Variants in STAM2 observed in about 807,000 individuals in gnomAD.
The protein encoded by STAM2 is signal transducing adaptor molecule 2.
Under a neutral mutation model 65.6 loss-of-function variants are expected in STAM2, and 51 were observed. That is an observed-to-expected ratio of 0.78 (90% CI 0.62 to 0.98). The LOEUF is 0.98. STAM2 is among the 50% of genes least tolerant of loss of function. The pLI is 0.00. For synonymous variants in STAM2, 198 were observed against 208.4 expected, an observed-to-expected ratio of 0.95 and a Z score of 0.43; for missense variants, 584 against 617.8, an observed-to-expected ratio of 0.95 and a Z score of 0.58.
intron 1 of STAM2, among the ~76,000 whole-genome samples, chr2:152,150,890 G>A (rs1054728109): frequency 9.9e-5 from 15 of 152,068 alleles, no homozygotes; most frequent in African/African-American, 3.6e-4. Context: ...TTTTTTAATA[G>A]ATAAGGGGTC....
chr2:152,160,115 A>G (rs1303848245), intron 1 of STAM2, among the ~76,000 whole-genome samples: 1 of 152,148 alleles, frequency 6.6e-6, no homozygotes, highest in Non-Finnish European at 1.5e-5. Context: ...TTGGCCTCCC[A>G]AAGTGCCAAG....
At chr2:152,124,042 G>A in intron 12 of STAM2, 107 bp from the exon 13 acceptor site, 1 of 908,848 alleles carries the variant, frequency 1.1e-6, no homozygotes, top group Non-Finnish European at 1.6e-6. Flanking sequence ...ACTTCTTTGG[G>A]AAGCAATCTG....
At chr2:152,131,786 G>T (rs976315329) in intron 11 of STAM2, 2 of 261,606 alleles carry the variant, frequency 7.6e-6, no homozygotes, top group Non-Finnish European at 1.4e-5. Context: ...GATGGGCACG[G>T]CATGCAGAAA....
chr2:152,147,071 A>G, intron 5 of STAM2, 91 bp downstream of exon 5: 1 of 1,222,960 alleles, frequency 8.2e-7, no homozygotes, highest in Non-Finnish European at 1.1e-6. Flanking sequence ...GTGGAAAATG[A>G]TAATCTAGAC....
rs192652621 is a variant in STAM2, at chr2:152,169,910, G to A, written c.40+5693C>T. 2.5e-3 allele frequency among the ~76,000 whole-genome samples: 378 copies of A among 151,082 alleles called. 1 individual carries two copies. Among genetic ancestry groups the A allele is most frequent in the African/African-American group, 8.8e-3 (363 of 41,156 alleles). ...ACTCTGTTGCCCCAGCTGGAGTGCA[G>A]TGGCACAATCTCCGCCTCCCAGGTT... On this transcript the variant is annotated intron_variant, in intron 1 of 13. Transcript: ENST00000263904.
At chr2:152,134,472 T>G (rs1689116892) in intron 8 of STAM2, among the ~76,000 whole-genome samples, 1 of 152,310 alleles carries the variant, frequency 6.6e-6, no homozygotes, top group African/African-American at 2.4e-5. Context: ...TCAGTGAGTA[T>G]CAACCTCTCA....
At chr2:152,149,586 C>T (rs1689403997) in intron 2 of STAM2, among the ~76,000 whole-genome samples, 1 of 151,116 alleles carries the variant, frequency 6.6e-6, no homozygotes, top group African/African-American at 2.4e-5. Context: ...CAAGCTCTGC[C>T]TCCTGGGTTC....
chr2:152,124,021 A>G (rs1055189839), intron 12 of STAM2, 86 bp from the exon 13 acceptor site: 1 of 1,145,382 alleles, frequency 8.7e-7, no homozygotes. Context: ...GACTTAAAGG[A>G]AAGAAACTAT....
intron 7 of STAM2, among the ~76,000 whole-genome samples, chr2:152,140,240 A>C (rs1216327586): frequency 1.3e-5 from 2 of 152,222 alleles, no homozygotes; most frequent in Non-Finnish European, 2.9e-5. Context: ...TTAAGTAGGC[A>C]CTTGCCAGGA....
intron 13 of STAM2, among the ~76,000 whole-genome samples, chr2:152,122,297 C>A (rs934715817): frequency 6.6e-6 from 1 of 151,748 alleles, no homozygotes; most frequent in African/African-American, 2.4e-5. Flanking sequence ...GTGTAGTATG[C>A]GCCTGTGGTC....
chr2:152,165,145 G>C (rs1455793819), intron 1 of STAM2, among the ~76,000 whole-genome samples: 1 of 152,166 alleles, frequency 6.6e-6, no homozygotes, highest in Non-Finnish European at 1.5e-5. Flanking sequence ...AAATGAGTCG[G>C]TCGGGCGCGG....
At chr2:152,126,520 G>A in intron 11 of STAM2, 141 bp from the exon 12 acceptor site, 1 of 489,224 alleles carries the variant, frequency 2.0e-6, no homozygotes, top group African/African-American at 2.0e-5. Context: ...TATTCACAAA[G>A]GGAAACTAAG....
rs982488690 is a variant in STAM2 at position 152,118,714 on chromosome 2, T to C, written c.*1860A>G. On this transcript the variant is annotated 3_prime_UTR_variant, in exon 14 of 14. Coordinates refer to ENST00000263904, the MANE Select transcript of STAM2 (RefSeq NM_005843.6). Reference sequence around the variant, plus strand: ...GCAGCTTTGGATTTTTTTTAAATGTTTTTTAAAAATTATTATTTTGTAAAT... The same window carrying C: ...GCAGCTTTGGATTTTTTTTAAATGTCTTTTAAAAATTATTATTTTGTAAAT... The C allele has an allele frequency of 2.0e-5, 3 of 151,924 alleles. No homozygotes were observed. Among genetic ancestry groups the C allele is most frequent in the African/African-American group, 7.2e-5 (3 of 41,436 alleles). 9.4% of individuals were successfully genotyped at this position (151,924 alleles called of 1,614,324 possible).
At chr2:152,122,977 G>A (rs908121238) in intron 13 of STAM2, among the ~76,000 whole-genome samples, 2 of 151,942 alleles carry the variant, frequency 1.3e-5, no homozygotes, top group Non-Finnish European at 2.9e-5. Flanking sequence ...TGATGAGGGT[G>A]GGTGGATAGC....
rs1192183895 is a variant in STAM2 at position 152,119,206 on chromosome 2, G to A, written c.*1368C>T. 1 of 152,024 alleles carries A rather than the reference G, an allele frequency of 6.6e-6. No homozygotes were observed. Among genetic ancestry groups the A allele is most frequent in the African/African-American group, 2.4e-5 (1 of 41,398 alleles). 9.4% of individuals were successfully genotyped at this position (152,024 alleles called of 1,614,324 possible). On this transcript the variant is annotated 3_prime_UTR_variant, in exon 14 of 14. Coordinates refer to ENST00000263904, the MANE Select transcript of STAM2 (RefSeq NM_005843.6). Reference sequence around the variant, plus strand: ...ATTTGCAATTTCTATTTTCCAATATGTAAAAAGTTGGTAGACAATGAAGTA... The same window carrying A: ...ATTTGCAATTTCTATTTTCCAATATATAAAAAGTTGGTAGACAATGAAGTA...
chr2:152,122,948 T>C (rs1347854103), intron 13 of STAM2, among the ~76,000 whole-genome samples: 1 of 151,636 alleles, frequency 6.6e-6, no homozygotes, highest in Non-Finnish European at 1.5e-5. Flanking sequence ...TTGCCTGTAG[T>C]CCCAGCTACT....
At chr2:152,159,182 T>C (rs751180900) in intron 1 of STAM2, among the ~76,000 whole-genome samples, 77 of 148,516 alleles carry the variant, frequency 5.2e-4, no homozygotes, top group Non-Finnish European at 9.6e-4. Flanking sequence ...GGTGCACACC[T>C]GTAGTCCCCA....
intron 12 of STAM2, chr2:152,124,348 CATCCAACTCCTTCCTA>C (rs1688914591): frequency 6.4e-6 from 1 of 155,042 alleles, no homozygotes; most frequent in Admixed American, 6.4e-5. Context: ...CTGGATGACT[CATCCAACTCCTTCCTA>C]AGAAAGAAAC....
rs545579054 is a variant in STAM2 at position 152,135,985 on chromosome 2, G to A, written c.705-382C>T. 8.2e-4 allele frequency among the ~76,000 whole-genome samples: 125 copies of A among 151,808 alleles called. 1 individual carries two copies. Among genetic ancestry groups the A allele is most frequent in the Middle Eastern group, 6.8e-3 (2 of 294 alleles). On this transcript the variant is annotated intron_variant, in intron 7 of 13. Coordinates refer to ENST00000263904, the MANE Select transcript of STAM2 (RefSeq NM_005843.6). ...CACACCTGTAGTCCCAGCTACTTGG[G>A]AGGCTGAGGCAGGAGAATCGCTTAA...
Sources: gnomAD v4.1 joint callset for allele counts (sites outside exome capture counted in the v4.1 genomes callset) on GRCh38, gnomAD v4.1.1 for gene constraint, MANE v1.5 for transcripts, NCBI Gene and HGNC (gene_info 2026-07-23, HGNC 2026-07-21) for gene names.